AKAIN1: variants seen among roughly 807,000 people sequenced by gnomAD.
The protein encoded by AKAIN1 is A-kinase anchor inhibitor 1.
Under a neutral mutation model 3.7 loss-of-function variants are expected in AKAIN1, and 3 were observed. The ratio of observed to expected loss-of-function variants is 0.82; its 90% CI spans 0.37 to 2.12. The LOEUF (loss-of-function observed/expected upper bound fraction) is 2.12, where lower values mean the gene tolerates loss of function less well. Among genes scored for constraint, AKAIN1 ranks in the 30% most tolerant of loss-of-function variants. The pLI, the probability that AKAIN1 is intolerant of heterozygous loss-of-function variation, is 0.06. For synonymous variants in AKAIN1, 31 were observed against 30.8 expected (o/e 1.01, Z -0.02); for missense variants, 82 against 82.7 (o/e 0.99, Z 0.03).
rs2071142463 is a variant in AKAIN1, at chr18:5,162,041, A to AT, written c.17-16287_17-16286insA. Among the ~76,000 whole-genome samples, 2 of 152,288 alleles carry AT rather than the reference A, an allele frequency of 1.3e-5. 1 individual carries two copies. Among genetic ancestry groups the AT allele is most frequent in the Middle Eastern group, 6.8e-3 (2 of 294 alleles). On this transcript the variant is annotated intron_variant, in intron 1 of 1. Coordinates refer to ENST00000434239, the MANE Select transcript of AKAIN1 (RefSeq NM_001145194.2). ...AAAAACAATTGATACTGTAATGGAT[A>AT]CTGAGAAGAGAAGGATTTATGTGTA...
At chr18:5,180,654 C>T (rs2071252720) in intron 1 of AKAIN1, among the ~76,000 whole-genome samples, 2 of 152,194 alleles carry the variant, frequency 1.3e-5, no homozygotes, top group African/African-American at 4.8e-5. Flanking sequence ...AGTCGGATTG[C>T]AATTAAGGCT....
intron 1 of AKAIN1, among the ~76,000 whole-genome samples, chr18:5,192,201 G>T (rs757826115): frequency 6.6e-6 from 1 of 152,026 alleles, no homozygotes; most frequent in African/African-American, 2.4e-5. Flanking sequence ...CAGACTAAAG[G>T]TTTAAAAATA....
chr18:5,167,995 A>G (rs991360281), intron 1 of AKAIN1, among the ~76,000 whole-genome samples: 3 of 152,102 alleles, frequency 2.0e-5, no homozygotes, highest in Non-Finnish European at 4.4e-5. Flanking sequence ...TGGTAGAATG[A>G]GACACGTGCA....
At chr18:5,178,824 G>T (rs977906191) in intron 1 of AKAIN1, among the ~76,000 whole-genome samples, 2 of 152,142 alleles carry the variant, frequency 1.3e-5, no homozygotes, top group Admixed American at 6.5e-5. Flanking sequence ...CTTTCCAGGT[G>T]CACCCAGCAC....
intron 1 of AKAIN1, among the ~76,000 whole-genome samples, chr18:5,160,168 A>C (rs538060272): frequency 6.6e-6 from 1 of 152,308 alleles, no homozygotes; most frequent in South Asian, 2.1e-4. Flanking sequence ...AAGTATTGCC[A>C]ACCTGTTATC....
intron 1 of AKAIN1, among the ~76,000 whole-genome samples, chr18:5,146,563 C>A (rs1404143152): frequency 6.6e-6 from 1 of 152,180 alleles, no homozygotes; most frequent in Non-Finnish European, 1.5e-5. Context: ...CAACTTTGCT[C>A]CTATAATAGG....
At chr18:5,197,519 C>T (rs1445360091), upstream of AKAIN1, 1 of 340,182 alleles carries the variant, frequency 2.9e-6, no homozygotes, top group Non-Finnish European at 3.8e-6. This position sits in a 1 kb window ranked among gnomAD's most constrained non-coding sequence, Gnocchi z 6.9. Flanking sequence ...AAAAAAAACT[C>T]TAAGAGCTTT....
At chr18:5,151,666 G>T (rs2071080920) in intron 1 of AKAIN1, among the ~76,000 whole-genome samples, 1 of 152,136 alleles carries the variant, frequency 6.6e-6, no homozygotes. Context: ...AGGGAATTAA[G>T]AGTCACCCCT....
intron 1 of AKAIN1, among the ~76,000 whole-genome samples, chr18:5,178,127 G>A (rs562023547): frequency 3.7e-4 from 57 of 152,208 alleles, no homozygotes; most frequent in Middle Eastern, 3.4e-3. Flanking sequence ...TGTTTTGGAG[G>A]ACTGTACATC....
At chr18:5,147,799 C>T (rs74986150) in intron 1 of AKAIN1, among the ~76,000 whole-genome samples, 1,621 of 152,326 alleles carry the variant, frequency 0.011, 13 homozygotes, top group Non-Finnish European at 0.018. Flanking sequence ...AATGATCAAT[C>T]TACACCAAAC....
At chr18:5,167,225 T>A (rs984381157) in intron 1 of AKAIN1, among the ~76,000 whole-genome samples, 4 of 152,036 alleles carry the variant, frequency 2.6e-5, no homozygotes, top group Admixed American at 6.6e-5. Flanking sequence ...ATAGATTTTT[T>A]AAAATTGTTA....
chr18:5,161,325 T>C (rs2071138284), intron 1 of AKAIN1, among the ~76,000 whole-genome samples: 1 of 152,130 alleles, frequency 6.6e-6, no homozygotes, highest in Non-Finnish European at 1.5e-5. Flanking sequence ...TAAATTGTAT[T>C]TTCTAAGTGT....
chr18:5,189,843 C>T (rs2071309478), intron 1 of AKAIN1, among the ~76,000 whole-genome samples: 1 of 151,958 alleles, frequency 6.6e-6, no homozygotes. Context: ...CCTCCAAATT[C>T]TTCCAGCTCC....
At chr18:5,157,946 C>T (rs2071117768) in intron 1 of AKAIN1, among the ~76,000 whole-genome samples, 1 of 152,156 alleles carries the variant, frequency 6.6e-6, no homozygotes, top group Admixed American at 6.5e-5. Context: ...CTCCTGCTTC[C>T]ACTTCCCAAA....
At chr18:5,181,773 C>G (rs549893000) in intron 1 of AKAIN1, among the ~76,000 whole-genome samples, 2 of 152,218 alleles carry the variant, frequency 1.3e-5, no homozygotes, top group Non-Finnish European at 1.5e-5. Flanking sequence ...GTGGCTTCTT[C>G]CTAAGAACAT....
chr18:5,196,982 G>T (rs292285), intron 1 of AKAIN1, 56 bp downstream of exon 1: 6 of 1,462,516 alleles, frequency 4.1e-6, no homozygotes, highest in South Asian at 3.7e-5. Context: ...TCTCCTCTCC[G>T]TCCTCTACCC....
intron 1 of AKAIN1, among the ~76,000 whole-genome samples, chr18:5,147,509 C>T (rs974518564): frequency 3.9e-5 from 6 of 152,270 alleles, no homozygotes; most frequent in East Asian, 1.9e-4. Context: ...GATATTTCCT[C>T]TACACGAATA....
At chr18:5,189,038 G>C (rs1004771034) in intron 1 of AKAIN1, among the ~76,000 whole-genome samples, 3 of 152,180 alleles carry the variant, frequency 2.0e-5, no homozygotes, top group African/African-American at 7.2e-5. Flanking sequence ...CTTACAGCTT[G>C]TACCTTTTAG....
At position 5,143,345 on chromosome 18, in the gene AKAIN1, C is replaced by A. The variant is rs1043090243; in HGVS notation, c.*2217G>T. On this transcript the variant is annotated 3_prime_UTR_variant, in exon 2 of 2. Transcript: ENST00000434239. ...CAGGCATTGCTGAACCTCCTTTTGTCCTCCCAACAACTTAGTCATATCTCT... is the reference window on the plus strand; with the variant it reads ...CAGGCATTGCTGAACCTCCTTTTGTACTCCCAACAACTTAGTCATATCTCT... 6.6e-6 allele frequency among the ~76,000 whole-genome samples: 1 copy of A among 152,210 alleles called. No individual in the cohort carries two copies. The highest frequency in any genetic ancestry group is 1.5e-5 in the Non-Finnish European group (1 of 68,042).
Sources: gnomAD v4.1 joint callset for allele counts (sites outside exome capture counted in the v4.1 genomes callset) on GRCh38, gnomAD v4.1.1 for gene constraint, Gnocchi (gnomAD v3.1) non-coding constraint, MANE v1.5 for transcripts, NCBI Gene and HGNC (gene_info 2026-07-23, HGNC 2026-07-21) for gene names.